Variants in BMAL1 observed in about 807,000 individuals in gnomAD.
The protein encoded by BMAL1 is basic helix-loop-helix ARNT-like protein 1.
At chr11:13,385,142 GAC>G in the BMAL1 span, among the ~76,000 whole-genome samples, 1 of 152,294 alleles carries the variant, frequency 6.6e-6, no homozygotes, top group East Asian at 1.9e-4. Flanking sequence ...GAGATTTTGA[GAC>G]AGAGTTCTCT....
the BMAL1 span, chr11:13,355,341 G>A: frequency 6.3e-7 from 1 of 1,590,124 alleles, no homozygotes; most frequent in Non-Finnish European, 8.6e-7. Context: ...CCAGGGGCTG[G>A]AGAGTGGGTA....
chr11:13,348,026 C>T, the BMAL1 span, among the ~76,000 whole-genome samples: 6 of 152,090 alleles, frequency 3.9e-5, no homozygotes, highest in Non-Finnish European at 1.5e-5. Context: ...GTGGAGGAGA[C>T]ACGCCTACAA....
chr11:13,342,077 G>T, the BMAL1 span, among the ~76,000 whole-genome samples: 6 of 152,230 alleles, frequency 3.9e-5, no homozygotes. Flanking sequence ...CCCTGCCTGG[G>T]GAGAGGCAGC....
the BMAL1 span, among the ~76,000 whole-genome samples, chr11:13,285,513 C>T: frequency 6.6e-6 from 1 of 152,076 alleles, no homozygotes; most frequent in East Asian, 1.9e-4. Flanking sequence ...TTATCTAGAT[C>T]ACAGGGGAGA....
At chr11:13,385,875 GAAAC>G in the BMAL1 span, 24 of 1,023,418 alleles carry the variant, frequency 2.3e-5, no homozygotes, top group African/African-American at 3.5e-4. Flanking sequence ...TGAACTGTGT[GAAAC>G]AAGCTAATCC....
chr11:13,319,293 T>C, the BMAL1 span, among the ~76,000 whole-genome samples: 1 of 152,232 alleles, frequency 6.6e-6, no homozygotes, highest in Non-Finnish European at 1.5e-5. Context: ...ATTGCAGTCA[T>C]TGCTGCTGTG....
chr11:13,365,633 C>T, the BMAL1 span: 1 of 1,521,150 alleles, frequency 6.6e-7, no homozygotes, highest in South Asian at 1.1e-5. Context: ...AGCCTCACAG[C>T]AGTCAGAAGT....
the BMAL1 span, among the ~76,000 whole-genome samples, chr11:13,300,456 G>A: frequency 6.6e-6 from 1 of 152,224 alleles, no homozygotes; most frequent in Non-Finnish European, 1.5e-5. Flanking sequence ...TTTCATGAAT[G>A]AGGAAGCAGG....
chr11:13,280,017 T>C, the BMAL1 span, among the ~76,000 whole-genome samples: 1 of 152,346 alleles, frequency 6.6e-6, no homozygotes, highest in South Asian at 2.1e-4. Context: ...AGGTTGTGTT[T>C]GCCTCTGATG....
chr11:13,279,221 T>C, the BMAL1 span, among the ~76,000 whole-genome samples: 1 of 152,198 alleles, frequency 6.6e-6, no homozygotes, highest in Non-Finnish European at 1.5e-5. Flanking sequence ...TCACCCAGCT[T>C]CCAAAAATCA....
chr11:13,358,750 GA>G, the BMAL1 span, among the ~76,000 whole-genome samples: 10 of 152,202 alleles, frequency 6.6e-5, no homozygotes, highest in African/African-American at 2.4e-4. Context: ...GATGCCAAAT[GA>G]AGTGATTATT....
At chr11:13,306,073 A>C in the BMAL1 span, among the ~76,000 whole-genome samples, 1 of 152,096 alleles carries the variant, frequency 6.6e-6, no homozygotes, top group Admixed American at 6.5e-5. Context: ...TAGAATGCCC[A>C]GGGGTTTTCA....
At chr11:13,319,608 T>C in the BMAL1 span, among the ~76,000 whole-genome samples, 1 of 152,244 alleles carries the variant, frequency 6.6e-6, no homozygotes, top group Admixed American at 6.5e-5. Context: ...GATTTAATTA[T>C]ATGATTTTTA....
chr11:13,377,263 G>A, the BMAL1 span, among the ~76,000 whole-genome samples: 1 of 152,110 alleles, frequency 6.6e-6, no homozygotes, highest in African/African-American at 2.4e-5. Context: ...TCTCTCCCGA[G>A]CTCCAGATCT....
At chr11:13,375,492 T>C in the BMAL1 span, 2 of 803,816 alleles carry the variant, frequency 2.5e-6, no homozygotes, top group South Asian at 4.5e-5. Flanking sequence ...GCAGTTTCCT[T>C]GGCTTACTAA....
At chr11:13,386,666 G>C in the BMAL1 span, 1 of 1,614,150 alleles carries the variant, frequency 6.2e-7, no homozygotes, top group Non-Finnish European at 8.5e-7. Flanking sequence ...GTAATGATGA[G>C]GCAGCAATGG....
the BMAL1 span, among the ~76,000 whole-genome samples, chr11:13,371,036 T>C: frequency 2.0e-5 from 3 of 152,212 alleles, no homozygotes; most frequent in African/African-American, 7.2e-5. Context: ...TCTAGTGCTT[T>C]CTTATACTTG....
the BMAL1 span, among the ~76,000 whole-genome samples, chr11:13,337,889 G>T: frequency 6.6e-6 from 1 of 152,122 alleles, no homozygotes; most frequent in Non-Finnish European, 1.5e-5. Flanking sequence ...TTTGAACCCT[G>T]GCTTTCCTAC....
the BMAL1 span, among the ~76,000 whole-genome samples, chr11:13,279,125 C>T: frequency 6.6e-6 from 1 of 152,260 alleles, no homozygotes; most frequent in African/African-American, 2.4e-5. Flanking sequence ...TCCCGGTCAC[C>T]TAGCGTTGTT....
Sources: gnomAD v4.1 joint callset for allele counts (sites outside exome capture counted in the v4.1 genomes callset) on GRCh38, gnomAD v4.1.1 for gene constraint, MANE v1.5 for transcripts, NCBI Gene and HGNC (gene_info 2026-07-23, HGNC 2026-07-21) for gene names.